The following KDELR1 variants were observed in gnomAD, a reference collection of about 807,000 sequenced individuals.
The protein encoded by KDELR1 is KDEL endoplasmic reticulum protein retention receptor 1, also known as ER lumen protein-retaining receptor 1.
KDELR1 carries 16 observed loss-of-function variants against 25.5 expected under a neutral mutation model. The observed-to-expected ratio is 0.63, with a 90% CI of 0.43 to 0.95. The LOEUF is 0.95. KDELR1 is among the 40% of genes least tolerant of loss of function. The pLI is 0.00. For synonymous variants in KDELR1, 121 were observed against 115.0 expected, an observed-to-expected ratio of 1.05 and a Z score of -0.33; for missense variants, 159 against 265.2, an observed-to-expected ratio of 0.60 and a Z score of 2.78.
upstream of KDELR1, among the ~76,000 whole-genome samples, chr19:48,395,258 G>T (rs1478193314): frequency 6.7e-6 from 1 of 150,214 alleles, no homozygotes; most frequent in East Asian, 1.9e-4. Flanking sequence ...CCTTCTCCCT[G>T]TACCCCCCTC....
chr19:48,394,682 G>A (rs185196525), upstream of KDELR1, among the ~76,000 whole-genome samples: 16 of 152,304 alleles, frequency 1.1e-4, no homozygotes, highest in East Asian at 2.7e-3. The surrounding 1 kb of genome is among the most constrained non-coding windows in gnomAD (Gnocchi z 5.1). Flanking sequence ...CCACGTCCTC[G>A]CCTAGTCCAG....
At position 48,384,045 on chromosome 19, in the gene KDELR1, C is replaced by G. The variant is rs960198299; in HGVS notation, c.604+185G>C. On this transcript the variant is annotated intron_variant, in intron 4 of 4. Transcript: ENST00000330720. The surrounding 1 kb of genome is among the most constrained non-coding windows in gnomAD (Gnocchi z 4.6). ...GGGCTAAGGACAGAAACTCCTTAGC[C>G]CTTAGGGAGGCAGAGGCTAACGGTC... 1.3e-5 allele frequency among the ~76,000 whole-genome samples: 2 copies of G among 152,148 alleles called. No individual in the cohort carries two copies. The highest frequency in any genetic ancestry group is 2.9e-5 in the Non-Finnish European group (2 of 68,036).
At chr19:48,394,171 A>AC (rs889483189), upstream of KDELR1, among the ~76,000 whole-genome samples, 1 of 144,030 alleles carries the variant, frequency 6.9e-6, no homozygotes, top group Non-Finnish European at 1.5e-5. The surrounding 1 kb of genome is among the most constrained non-coding windows in gnomAD (Gnocchi z 5.1). Flanking sequence ...CCCCCATTAG[A>AC]CCCCCCACTC....
chr19:48,383,071 T>A lies in KDELR1; in HGVS notation c.*222A>T, dbSNP rs1404081171. On this transcript the variant is annotated 3_prime_UTR_variant, in exon 5 of 5. Coordinates refer to ENST00000330720, the MANE Select transcript of KDELR1 (RefSeq NM_006801.3). ...CAAAAACTAAAGAGTGGAAAGATTT[T>A]TTTTTCTTGTCTAAAAGGCAAAAAA... is the stretch of plus-strand genomic sequence containing the variant. The A allele has an allele frequency of 1.7e-6, 1 of 581,708 alleles. No homozygotes were observed. Among genetic ancestry groups the A allele is most frequent in the East Asian group, 2.9e-5 (1 of 34,744 alleles). The allele number at this position is 581,708 out of a possible 1,614,324, so 36.0% of individuals were successfully genotyped here.
At chr19:48,393,399 G>A (rs1970585535), upstream of KDELR1, among the ~76,000 whole-genome samples, 2 of 152,168 alleles carry the variant, frequency 1.3e-5, no homozygotes, top group Non-Finnish European at 2.9e-5. The surrounding 1 kb of genome is among the most constrained non-coding windows in gnomAD (Gnocchi z 5.6). Context: ...GCAGAGGGCA[G>A]CAACCCCCAG....
At chr19:48,388,000 A>G (rs1384414792) in intron 3 of KDELR1, among the ~76,000 whole-genome samples, 2 of 151,836 alleles carry the variant, frequency 1.3e-5, no homozygotes, top group Admixed American at 1.3e-4. Flanking sequence ...CGAACATTTA[A>G]AAGTAAAAGT....
chr19:48,396,128 T>C (rs1009205712), upstream of KDELR1, among the ~76,000 whole-genome samples: 3 of 151,672 alleles, frequency 2.0e-5, no homozygotes, highest in Admixed American at 1.3e-4. Flanking sequence ...ACTTTAGCCC[T>C]ATGCAGATGG....
Position 48,384,616 on chromosome 19 carries a change from A to G in KDELR1, c.352-134T>C. 1 of 1,139,640 alleles carries G rather than the reference A, an allele frequency of 8.8e-7. No individual in the cohort carries two copies. Among genetic ancestry groups the G allele is most frequent in the Non-Finnish European group, 1.2e-6 (1 of 811,604 alleles). 70.6% of individuals were successfully genotyped at this position (1,139,640 alleles called of 1,614,324 possible). On this transcript the variant is annotated intron_variant, in intron 3 of 4. Transcript: ENST00000330720. This position sits in a 1 kb window ranked among gnomAD's most constrained non-coding sequence, Gnocchi z 4.6. ...ATCCAGGTGCTGCCAAGTGCCAGAC[A>G]CAGTTCTGCCCGAGTTACTGGTACC... is the stretch of plus-strand genomic sequence containing the variant.
rs1970551761 is a variant in KDELR1, at chr19:48,391,466, G to T, written c.-108C>A. 1.2e-6 allele frequency: 1 copy of T among 850,200 alleles called. No homozygotes were observed. Among genetic ancestry groups the T allele is most frequent in the Admixed American group, 2.1e-5 (1 of 47,476 alleles). The allele number at this position is 850,200 out of a possible 1,614,324, so 52.7% of individuals were successfully genotyped here. The stretch of plus-strand genomic sequence containing the variant: ...TAGCTGGGCTGGGGGGACGGAAGAG[G>T]GACCCTAGGTGCGCTCCGCTCCGGG... On this transcript the variant is annotated 5_prime_UTR_variant, in exon 1 of 5. Transcript: ENST00000330720.
chr19:48,392,846 G>A (rs534674754), upstream of KDELR1, among the ~76,000 whole-genome samples: 1 of 152,272 alleles, frequency 6.6e-6, no homozygotes, highest in South Asian at 2.1e-4. Flanking sequence ...AGCCCCACGG[G>A]TGGCTTTATA....
chr19:48,384,307 A>C lies in KDELR1; in HGVS notation c.527T>G (p.Phe176Cys), dbSNP rs1970477467. ...GCCTGCCACAATGGCGATGAGGTCG[A>C]AGAAGCCCTCGAAATGGTAGCGCCA... Reference protein sequence around the residue: ...WIWRYHFEGFFDLIAIVAGLV... With the variant: ...WIWRYHFEGFCDLIAIVAGLV... Residue 176 changes from phenylalanine (F) to cysteine (C), a missense_variant, in exon 4 of 5, where the codon TTC becomes TGC. Coordinates refer to ENST00000330720, the MANE Select transcript of KDELR1 (RefSeq NM_006801.3). The surrounding 1 kb of genome is among the most constrained non-coding windows in gnomAD (Gnocchi z 4.6). 6.2e-7 allele frequency: 1 copy of C among 1,614,250 alleles called. No individual in the cohort carries two copies. The highest frequency in any genetic ancestry group is 1.1e-5 in the South Asian group (1 of 91,084).
chr19:48,396,038 G>C (rs1280381211), upstream of KDELR1, among the ~76,000 whole-genome samples: 1 of 152,184 alleles, frequency 6.6e-6, no homozygotes, highest in African/African-American at 2.4e-5. Flanking sequence ...GGAGGTAGGG[G>C]ATAGCGCTTC....
the KDELR1 span, among the ~76,000 whole-genome samples, chr19:48,396,800 A>C: frequency 6.6e-6 from 1 of 151,886 alleles, no homozygotes; most frequent in South Asian, 2.1e-4. Flanking sequence ...TGTGGGGTGG[A>C]CGAGGCCTGC....
chr19:48,386,397 G>A (rs1346190771), intron 3 of KDELR1, among the ~76,000 whole-genome samples: 2 of 150,442 alleles, frequency 1.3e-5, no homozygotes, highest in African/African-American at 4.9e-5. Context: ...GATCACAGGC[G>A]TGAGCCACTG....
chr19:48,382,638 T>C lies in KDELR1; in HGVS notation c.*655A>G, dbSNP rs1427958173. On this transcript the variant is annotated 3_prime_UTR_variant, in exon 5 of 5. Transcript: ENST00000330720. Reference sequence around the variant, plus strand: ...CAACCATCAGTTCTGTACAAAAACATGGTGTGAGAGCCATGGGATCCTCGG... The same window carrying C: ...CAACCATCAGTTCTGTACAAAAACACGGTGTGAGAGCCATGGGATCCTCGG... 1 of 152,892 alleles carries C rather than the reference T, an allele frequency of 6.5e-6. No individual in the cohort carries two copies. The highest frequency in any genetic ancestry group is 1.5e-5 in the Non-Finnish European group (1 of 68,396). 9.5% of individuals were successfully genotyped at this position (152,892 alleles called of 1,614,324 possible). A position where few individuals can be genotyped will look rare whatever the true frequency, so the allele number is the denominator to read the frequency against.
Position 48,384,100 on chromosome 19 carries a change from A to G in KDELR1, c.604+130T>C, listed in dbSNP as rs555289718. The G allele has an allele frequency of 2.2e-5, 26 of 1,173,552 alleles. No homozygotes were observed. Among genetic ancestry groups the G allele is most frequent in the Non-Finnish European group, 3.0e-5 (25 of 834,994 alleles). 72.7% of individuals were successfully genotyped at this position (1,173,552 alleles called of 1,614,324 possible). A position where few individuals can be genotyped will look rare whatever the true frequency, so the allele number is the denominator to read the frequency against. The stretch of plus-strand genomic sequence containing the variant: ...TTCCTAGGAGGATGGTAGGCCTGCC[A>G]CCCCAGAAACCCGGCGAAGAAATGC... On this transcript the variant is annotated intron_variant, in intron 4 of 4. Transcript: ENST00000330720. This position sits in a 1 kb window ranked among gnomAD's most constrained non-coding sequence, Gnocchi z 4.6.
chr19:48,394,542 G>A (rs1219071028), upstream of KDELR1, among the ~76,000 whole-genome samples: 2 of 149,578 alleles, frequency 1.3e-5, no homozygotes, highest in African/African-American at 2.5e-5. This position sits in a 1 kb window ranked among gnomAD's most constrained non-coding sequence, Gnocchi z 5.1. Flanking sequence ...GGGAGGAGCC[G>A]GGGCTGAAGC....
chr19:48,389,925 GCC>G (rs1970529734), intron 2 of KDELR1, among the ~76,000 whole-genome samples: 1 of 92,176 alleles, frequency 1.1e-5, no homozygotes, highest in African/African-American at 4.8e-5. Context: ...AGGAGTCCAA[GCC>G]CCCAGCCCCT....
Position 48,383,263 on chromosome 19 carries a change from T to A in KDELR1, c.*30A>T. On this transcript the variant is annotated 3_prime_UTR_variant, in exon 5 of 5. Coordinates refer to ENST00000330720, the MANE Select transcript of KDELR1 (RefSeq NM_006801.3). ...GCCGCCTTCCTCTGCCTCCCGCTGC[T>A]GCCGAGGAGAGAGATGGAGAGGACC... 1 of 1,550,778 alleles carries A rather than the reference T, an allele frequency of 6.4e-7. No homozygotes were observed. The highest frequency in any genetic ancestry group is 2.4e-5 in the East Asian group (1 of 40,944).
Sources: allele counts gnomAD v4.1 joint callset (sites outside exome capture counted in the v4.1 genomes callset), GRCh38; gene constraint gnomAD v4.1.1; non-coding constraint Gnocchi (gnomAD v3.1); transcripts MANE v1.5; gene names NCBI Gene and HGNC (gene_info 2026-07-23, HGNC 2026-07-21).